The following FHIT variants were observed in gnomAD, a reference collection of about 807,000 sequenced individuals.
The protein encoded by FHIT is bis(5'-adenosyl)-triphosphatase.
In FHIT, 19 loss-of-function variants were observed where a neutral mutation model predicts 17.9. The ratio of observed to expected loss-of-function variants is 1.06; its 90% CI spans 0.74 to 1.56. The LOEUF is 1.56. FHIT is among the 40% of genes most tolerant of loss of function. The probability of loss-of-function intolerance (pLI) is 0.00; values close to 1 mark genes in which losing one functional copy is unlikely to be tolerated. For synonymous variants in FHIT, 81 were observed against 69.7 expected (o/e 1.16, Z -0.81); for missense variants, 248 against 189.2 (o/e 1.31, Z -1.82).
chr3:60,973,155 A>T (rs1710093414), intron 3 of FHIT, among the ~76,000 whole-genome samples: 1 of 152,136 alleles, frequency 6.6e-6, no homozygotes, highest in Admixed American at 6.6e-5. Flanking sequence ...ACAAGTTTTG[A>T]ATGATGTTAT....
chr3:60,489,536 G>A (rs375127), intron 5 of FHIT, among the ~76,000 whole-genome samples: 24,206 of 152,086 alleles, frequency 0.16, 2,311 homozygotes, highest in East Asian at 0.39. Context: ...CATTGACCCT[G>A]CATACATTAA....
intron 5 of FHIT, among the ~76,000 whole-genome samples, chr3:60,230,554 C>T (rs987696217): frequency 6.6e-6 from 1 of 152,142 alleles, no homozygotes; most frequent in Admixed American, 6.5e-5. Flanking sequence ...AACATGTAAG[C>T]TCACTGCATC....
chr3:60,463,551 C>A (rs2032600721), intron 5 of FHIT, among the ~76,000 whole-genome samples: 1 of 152,150 alleles, frequency 6.6e-6, no homozygotes, highest in Admixed American at 6.5e-5. Flanking sequence ...ATTTCTCCTT[C>A]TCAGAACAGA....
intron 3 of FHIT, among the ~76,000 whole-genome samples, chr3:61,026,702 T>C (rs933251616): frequency 4.6e-5 from 7 of 152,172 alleles, no homozygotes; most frequent in African/African-American, 1.7e-4. Context: ...GTATTTTATG[T>C]GTGGCCCAAG....
intron 5 of FHIT, among the ~76,000 whole-genome samples, chr3:60,225,450 G>C (rs993694215): frequency 9.9e-5 from 15 of 152,170 alleles, no homozygotes; most frequent in Admixed American, 2.6e-4. Flanking sequence ...TTTAGAAACA[G>C]GGCTAAAGGA....
At chr3:60,609,334 T>G (rs1415847816) in intron 4 of FHIT, among the ~76,000 whole-genome samples, 1 of 61,122 alleles carries the variant, frequency 1.6e-5, no homozygotes, top group African/African-American at 7.6e-5. Flanking sequence ...TTTTTATTTA[T>G]TTTTTTTTTG....
chr3:59,792,872 T>TGG (rs139940738), intron 8 of FHIT, among the ~76,000 whole-genome samples: 4,097 of 134,562 alleles, frequency 0.03, 108 homozygotes, highest in African/African-American at 0.059. Flanking sequence ...CCTTATTTTT[T>TGG]GGGGGGGGGG....
At chr3:59,896,597 T>C (rs1234600973) in intron 8 of FHIT, among the ~76,000 whole-genome samples, 1 of 152,158 alleles carries the variant, frequency 6.6e-6, no homozygotes, top group Non-Finnish European at 1.5e-5. Context: ...TTAAATCTGT[T>C]ACAAGCAAAG....
intron 4 of FHIT, among the ~76,000 whole-genome samples, chr3:60,686,178 G>C (rs1407675029): frequency 1.3e-5 from 2 of 152,102 alleles, no homozygotes; most frequent in Non-Finnish European, 2.9e-5. Context: ...TTTGAAGGTA[G>C]GTTGGCAGTA....
At chr3:60,854,555 A>ACT (rs1553749351) in intron 3 of FHIT, among the ~76,000 whole-genome samples, 5 of 138,510 alleles carry the variant, frequency 3.6e-5, no homozygotes, top group Admixed American at 7.4e-5. Flanking sequence ...GCCTACTTCT[A>ACT]TTTTTTTTTT....
chr3:60,110,596 T>C (rs1392064277), intron 5 of FHIT, among the ~76,000 whole-genome samples: 1 of 152,158 alleles, frequency 6.6e-6, no homozygotes, highest in Non-Finnish European at 1.5e-5. Flanking sequence ...TTGGATAAGT[T>C]ACATCACCTC....
intron 4 of FHIT, among the ~76,000 whole-genome samples, chr3:60,614,321 C>A (rs2070156588): frequency 6.6e-6 from 1 of 152,154 alleles, no homozygotes; most frequent in African/African-American, 2.4e-5. Context: ...TTAAGAATAA[C>A]CTAAACCAGC....
chr3:60,993,002 G>A (rs368090704), intron 3 of FHIT, among the ~76,000 whole-genome samples: 4 of 152,234 alleles, frequency 2.6e-5, no homozygotes, highest in Admixed American at 6.5e-5. Context: ...GTCCCATCGC[G>A]TGGCATTAAA....
At chr3:60,473,611 G>C (rs918836551) in intron 5 of FHIT, among the ~76,000 whole-genome samples, 3 of 152,094 alleles carry the variant, frequency 2.0e-5, no homozygotes, top group Non-Finnish European at 4.4e-5. Flanking sequence ...CTGATTTGAG[G>C]TACTTGCACA....
At chr3:60,056,862 C>T (rs949918824) in intron 5 of FHIT, among the ~76,000 whole-genome samples, 2 of 152,198 alleles carry the variant, frequency 1.3e-5, no homozygotes, top group African/African-American at 4.8e-5. Flanking sequence ...TCCTTCCTTT[C>T]ATGACATCAA....
At position 60,413,181 on chromosome 3, in the gene FHIT, A is replaced by G. The variant is rs527308738; in HGVS notation, c.103+123679T>C. On this transcript the variant is annotated intron_variant, in intron 5 of 9. Coordinates refer to ENST00000492590, the MANE Select transcript of FHIT (RefSeq NM_002012.4). ...ATTCTTTTAGCTACATACAGCAATTAATTTTCACCAGCCCTTGAGAAAAGA... is the reference window on the plus strand; with the variant it reads ...ATTCTTTTAGCTACATACAGCAATTGATTTTCACCAGCCCTTGAGAAAAGA... 2.6e-5 allele frequency among the ~76,000 whole-genome samples: 4 copies of G among 152,304 alleles called. No individual in the cohort carries two copies. The East Asian group carries it at 7.7e-4, about 29-fold the overall frequency.
chr3:60,240,820 A>G lies in FHIT; in HGVS notation c.104-226668T>C, dbSNP rs185391220. Reference sequence around the variant, plus strand: ...CAGTTAGCTTCAAAACCTATTAGCAACCCTCAGATCCAAGAGCTGTACCTG... The same window carrying G: ...CAGTTAGCTTCAAAACCTATTAGCAGCCCTCAGATCCAAGAGCTGTACCTG... On this transcript the variant is annotated intron_variant, in intron 5 of 9. Transcript: ENST00000492590. Among the ~76,000 whole-genome samples the G allele has an allele frequency of 3.3e-5, 5 of 152,248 alleles. No homozygotes were observed. The East Asian group carries it at 9.7e-4, about 29-fold the overall frequency.
intron 5 of FHIT, among the ~76,000 whole-genome samples, chr3:60,287,875 A>T (rs959139993): frequency 2.0e-4 from 30 of 152,188 alleles, no homozygotes; most frequent in African/African-American, 6.3e-4. Context: ...TGGGAAAGAT[A>T]CATAACCCCT....
chr3:59,843,932 C>T (rs767097660), intron 8 of FHIT, among the ~76,000 whole-genome samples: 62 of 152,202 alleles, frequency 4.1e-4, no homozygotes, highest in Non-Finnish European at 6.5e-4. Flanking sequence ...AAGCAGAACT[C>T]TAATGGCTTG....
Sources: gnomAD v4.1 joint callset for allele counts (sites outside exome capture counted in the v4.1 genomes callset) on GRCh38, gnomAD v4.1.1 for gene constraint, MANE v1.5 for transcripts, NCBI Gene and HGNC (gene_info 2026-07-23, HGNC 2026-07-21) for gene names.